Variants in NEO1 observed in about 807,000 individuals in gnomAD.
NEO1 encodes the protein neogenin 1.
In NEO1, 63 loss-of-function variants were observed where a neutral mutation model predicts 159.7. That is an observed-to-expected ratio of 0.39 (90% CI 0.32 to 0.49). The LOEUF (loss-of-function observed/expected upper bound fraction) is 0.49. NEO1 is among the 20% of genes least tolerant of loss of function. The probability of loss-of-function intolerance (pLI) is 0.85; values close to 1 mark genes in which losing one functional copy is unlikely to be tolerated. For missense variants in NEO1, 1,615 were observed against 1,831.0 expected (o/e 0.88, Z 2.15); for synonymous variants, 633 against 662.0 (o/e 0.96, Z 0.67).
Position 73,123,821 on chromosome 15 carries a change from T to A in NEO1, c.724+1021T>A, listed in dbSNP as rs150359285. 6.3e-3 allele frequency among the ~76,000 whole-genome samples: 960 copies of A among 152,264 alleles called. 9 individuals are homozygous for A. Among genetic ancestry groups the A allele is most frequent in the African/African-American group, 0.022 (911 of 41,534 alleles). On this transcript the variant is annotated intron_variant, in intron 3 of 28. Transcript: ENST00000261908. ...ATATAATTGAACTATCCCTACATTATTTGGGAAGAGTTATATGTCTATTAA... is the reference window on the plus strand; with the variant it reads ...ATATAATTGAACTATCCCTACATTAATTGGGAAGAGTTATATGTCTATTAA...
At chr15:73,057,875 A>C (rs1180101798) in intron 1 of NEO1, among the ~76,000 whole-genome samples, 2 of 152,176 alleles carry the variant, frequency 1.3e-5, no homozygotes, top group Non-Finnish European at 2.9e-5. Context: ...AACTTATTTA[A>C]AAATACATAA....
chr15:73,055,413 AC>A (rs2067649500), intron 1 of NEO1, among the ~76,000 whole-genome samples: 2 of 151,990 alleles, frequency 1.3e-5, no homozygotes, highest in Non-Finnish European at 2.9e-5. Context: ...CACCCTTCTT[AC>A]ATTTTTTCCT....
At position 73,260,451 on chromosome 15, in the gene NEO1, C is replaced by T. The variant is rs567004361; in HGVS notation, c.2384C>T (p.Thr795Ile). ...IKVDYKQRYYTIENLDPSSHY... is the reference protein window; with the variant it reads ...IKVDYKQRYYIIENLDPSSHY... ...GTGGACTATAAACAGCGCTATTACA[C>T]CATTGAAAATCTGGGTATGTTTGCT... The change falls in exon 15 of 29, where the codon ACC becomes ATC. Residue 795 changes from threonine (T) to isoleucine (I), a missense_variant. Physicochemically the swap from Thr to Ile is moderately conservative, Grantham distance 89. Around this residue, in one of 3 missense-constraint regions of NEO1, gnomAD observed 1,018 missense variants for 1,115.4 expected, o/e 0.91. Coordinates refer to ENST00000261908, the MANE Select transcript of NEO1 (RefSeq NM_002499.4). 1 of 1,593,158 alleles carries T rather than the reference C, an allele frequency of 6.3e-7. No individual in the cohort carries two copies. Among genetic ancestry groups the T allele is most frequent in the Admixed American group, 1.7e-5 (1 of 59,354 alleles).
chr15:73,289,381 CCAAA>C lies in NEO1; in HGVS notation c.3742+146_3742+149del, dbSNP rs878907297. On this transcript the variant is annotated intron_variant, in intron 25 of 28. Transcript: ENST00000261908. ...CTTTGACACCTTGAAGGAGGAAGTA[CCAAA>C]CACTTGCCATATTTTGCAACAAACA... 6 of 708,942 alleles carry C rather than the reference CCAAA, an allele frequency of 8.5e-6. No individual in the cohort carries two copies. In the Admixed American group the frequency reaches 1.4e-4, roughly 17 times the overall value. 43.9% of individuals were successfully genotyped at this position (708,942 alleles called of 1,614,324 possible).
intron 26 of NEO1, among the ~76,000 whole-genome samples, chr15:73,294,718 T>G (rs2042288948): frequency 6.6e-6 from 1 of 152,030 alleles, no homozygotes. Flanking sequence ...TTTTGTATTC[T>G]TAGTAGAGAC....
chr15:73,286,616 A>G (rs1408067183), intron 23 of NEO1, among the ~76,000 whole-genome samples: 2 of 152,178 alleles, frequency 1.3e-5, no homozygotes, highest in Non-Finnish European at 2.9e-5. Flanking sequence ...TGCCTCTTCT[A>G]CATTTCCTCT....
chr15:73,294,544 CTTTG>C (rs796751400), intron 26 of NEO1, among the ~76,000 whole-genome samples: 35 of 152,120 alleles, frequency 2.3e-4, no homozygotes, highest in African/African-American at 7.7e-4. Flanking sequence ...TCTTTGGTTT[CTTTG>C]TTTGTTTTTG....
At chr15:73,161,297 T>A (rs1407015024) in intron 5 of NEO1, among the ~76,000 whole-genome samples, 1 of 152,222 alleles carries the variant, frequency 6.6e-6, no homozygotes, top group Non-Finnish European at 1.5e-5. Flanking sequence ...GAGATACAAA[T>A]CCAACATTAT....
In NEO1 at chr15:73,260,296, C is replaced by G; in HGVS notation, c.2229C>G (p.Ser743Arg). Residue 743 changes from serine to arginine, a missense_variant, in exon 15 of 29, where the codon AGC becomes AGG. Physicochemically the swap from Ser to Arg is moderately radical, Grantham distance 110. This residue lies in a region of NEO1 where 1,018 missense variants were observed against 1,115.4 expected (regional missense o/e 0.91). Transcript: ENST00000261908. Reference sequence around the variant, plus strand: ...AAACTCGTGTTCCTGAAGTGCCTAGCTCTCTTCACGTACGCCCGCTCGTTA... The same window carrying G: ...AAACTCGTGTTCCTGAAGTGCCTAGGTCTCTTCACGTACGCCCGCTCGTTA... ...LDETRVPEVP[S>R]SLHVRPLVTS... The G allele has an allele frequency of 6.2e-7, 1 of 1,613,702 alleles. No homozygotes were observed. The highest frequency in any genetic ancestry group is 1.3e-5 in the African/African-American group (1 of 75,040).
chr15:73,225,488 T>G (rs1302088448), intron 7 of NEO1, among the ~76,000 whole-genome samples: 2 of 151,990 alleles, frequency 1.3e-5, no homozygotes, highest in Non-Finnish European at 2.9e-5. Context: ...GCGGCTGCTG[T>G]GGAGGATGGG....
chr15:73,182,134 C>T (rs2035646360), intron 7 of NEO1, among the ~76,000 whole-genome samples: 1 of 152,070 alleles, frequency 6.6e-6, no homozygotes, highest in African/African-American at 2.4e-5. Flanking sequence ...CATCAGATCT[C>T]ATGAGACTCA....
At chr15:73,208,487 T>C (rs1319969752) in intron 7 of NEO1, among the ~76,000 whole-genome samples, 1 of 152,210 alleles carries the variant, frequency 6.6e-6, no homozygotes, top group Non-Finnish European at 1.5e-5. Flanking sequence ...TTTTAAAAAC[T>C]GTTCCTTATT....
At chr15:73,184,656 C>T (rs1362311461) in intron 7 of NEO1, among the ~76,000 whole-genome samples, 3 of 152,284 alleles carry the variant, frequency 2.0e-5, no homozygotes, top group South Asian at 2.1e-4. Context: ...GGCCAGGTGC[C>T]GTGGCTTACG....
intron 2 of NEO1, among the ~76,000 whole-genome samples, chr15:73,118,090 T>G (rs1315180724): frequency 2.0e-5 from 3 of 151,936 alleles, no homozygotes; most frequent in African/African-American, 7.2e-5. Context: ...TTATCTGGGC[T>G]TTATTCATGG....
At chr15:73,058,198 T>A (rs2067808027) in intron 1 of NEO1, among the ~76,000 whole-genome samples, 1 of 152,206 alleles carries the variant, frequency 6.6e-6, no homozygotes, top group Admixed American at 6.5e-5. Context: ...AGTGGCTAAT[T>A]AAAGTAGTAG....
rs1044582239 is a variant in NEO1 at position 73,056,660 on chromosome 15, G to A, written c.130+3855G>A. 3.9e-5 allele frequency among the ~76,000 whole-genome samples: 6 copies of A among 152,104 alleles called. No individual in the cohort carries two copies. In the East Asian group the frequency reaches 1.2e-3, roughly 29 times the overall value. On this transcript the variant is annotated intron_variant, in intron 1 of 28. Coordinates refer to ENST00000261908, the MANE Select transcript of NEO1 (RefSeq NM_002499.4). ...ACATTTCCTGTGTGCATGTGTGTGT[G>A]GGCCCCCCCTGCCCTTCCCCTCAAA... is the stretch of plus-strand genomic sequence containing the variant.
In NEO1 at chr15:73,248,972, G is replaced by A. The variant is rs79539304; in HGVS notation, c.1607-88G>A. 1.9e-3 allele frequency: 2,264 copies of A among 1,211,558 alleles called. 34 individuals carry two copies. In the African/African-American group the frequency reaches 0.03, roughly 16 times the overall value. 75.1% of individuals were successfully genotyped at this position (1,211,558 alleles called of 1,614,324 possible). On this transcript the variant is annotated intron_variant, in intron 9 of 28. Transcript: ENST00000261908. The stretch of plus-strand genomic sequence containing the variant: ...TCTTAGCTTCTATTATTTTAAAAAC[G>A]TGGCCAATATGACAGTATTGCCAAG...
intron 1 of NEO1, among the ~76,000 whole-genome samples, chr15:73,084,941 C>T (rs1255320269): frequency 3.9e-5 from 6 of 152,000 alleles, no homozygotes; most frequent in Admixed American, 1.3e-4. Flanking sequence ...GATGTAAAAC[C>T]GTGAACCAGG....
chr15:73,082,580 G>A (rs1435877815), intron 1 of NEO1, among the ~76,000 whole-genome samples: 1 of 151,482 alleles, frequency 6.6e-6, no homozygotes, highest in Admixed American at 6.6e-5. Context: ...CAGAACAAAG[G>A]ATTTTTTTTT....
Sources: allele counts gnomAD v4.1 joint callset (sites outside exome capture counted in the v4.1 genomes callset), GRCh38; gene constraint gnomAD v4.1.1; regional missense constraint gnomAD v4.1.1; transcripts MANE v1.5; gene names NCBI Gene and HGNC (gene_info 2026-07-23, HGNC 2026-07-21).